The following MVB12B variants were observed in gnomAD, a reference collection of about 807,000 sequenced individuals.
MVB12B encodes ESCRT-I complex subunit MVB12B.
A neutral mutation model predicts 41.6 loss-of-function variants in MVB12B; 16 were observed. That is an observed-to-expected ratio of 0.38 (90% CI 0.26 to 0.58). MVB12B has a LOEUF of 0.58. Ranked by LOEUF, MVB12B falls within the 20% of genes least tolerant of loss-of-function variation. MVB12B has a pLI of 0.62. For missense variants in MVB12B, 274 were observed against 380.2 expected (o/e 0.72, Z 2.32); for synonymous variants, 133 against 139.7 (o/e 0.95, Z 0.34).
intron 2 of MVB12B, among the ~76,000 whole-genome samples, chr9:126,345,224 A>G (rs1829555926): frequency 1.3e-5 from 2 of 152,206 alleles, no homozygotes; most frequent in South Asian, 2.1e-4. Context: ...TGCCTACCTC[A>G]GAAAAGCATT....
chr9:126,370,424 C>T (rs1396658784), intron 2 of MVB12B, among the ~76,000 whole-genome samples: 3 of 149,260 alleles, frequency 2.0e-5, no homozygotes, highest in Non-Finnish European at 3.0e-5. Flanking sequence ...GTTCTGTTGC[C>T]TAGGCTGGAG....
intron 9 of MVB12B, among the ~76,000 whole-genome samples, chr9:126,500,065 C>T (rs1197776546): frequency 3.9e-5 from 6 of 152,158 alleles, no homozygotes; most frequent in Non-Finnish European, 8.8e-5. Flanking sequence ...AGAAAGCTCC[C>T]GCTAGGCCCG....
chr9:126,488,877 G>T (rs1833675197), intron 9 of MVB12B, among the ~76,000 whole-genome samples: 1 of 152,194 alleles, frequency 6.6e-6, no homozygotes, highest in Non-Finnish European at 1.5e-5. Context: ...CTTCAGGGAC[G>T]GTCACCCTCC....
At position 126,382,019 on chromosome 9, in the gene MVB12B, T is replaced by C. The variant is rs1471240408; in HGVS notation, c.312+848T>C. 2.6e-5 allele frequency among the ~76,000 whole-genome samples: 4 copies of C among 151,498 alleles called. No homozygotes were observed. In the East Asian group the frequency reaches 7.7e-4, roughly 29 times the overall value. On this transcript the variant is annotated intron_variant, in intron 3 of 9. Transcript: ENST00000361171. ...ATTTTTGGCCATATGTTATTGTCTC[T>C]TTGTCATGTAAATTTTTATTTTGGG...
At chr9:126,461,945 G>A (rs922736457) in intron 7 of MVB12B, among the ~76,000 whole-genome samples, 1 of 152,246 alleles carries the variant, frequency 6.6e-6, no homozygotes, top group African/African-American at 2.4e-5. Flanking sequence ...TCATTTCCCT[G>A]ACGTTACCAT....
chr9:126,479,623 C>G (rs1293146341), intron 7 of MVB12B, among the ~76,000 whole-genome samples: 1 of 152,214 alleles, frequency 6.6e-6, no homozygotes, highest in Admixed American at 6.5e-5. Context: ...CCCATCTCTT[C>G]CGTCAGCTCA....
chr9:126,461,374 A>T (rs4837088), intron 7 of MVB12B, among the ~76,000 whole-genome samples: 131,789 of 151,814 alleles, frequency 0.87, 57,322 homozygotes, highest in East Asian at 0.95. Flanking sequence ...ACTATATATA[A>T]AAAAAAAAAG....
chr9:126,458,085 CT>C (rs1174771329), intron 7 of MVB12B, among the ~76,000 whole-genome samples: 1 of 152,204 alleles, frequency 6.6e-6, no homozygotes, highest in African/African-American at 2.4e-5. Flanking sequence ...GCAACCTTGA[CT>C]TTTGATTGTC....
At chr9:126,461,260 G>A (rs1833083010) in intron 7 of MVB12B, among the ~76,000 whole-genome samples, 2 of 152,236 alleles carry the variant, frequency 1.3e-5, no homozygotes, top group Admixed American at 6.5e-5. Flanking sequence ...TGGCCCTGGT[G>A]GCTTCTACGG....
At chr9:126,433,451 G>A (rs562577661) in intron 7 of MVB12B, among the ~76,000 whole-genome samples, 16 of 151,042 alleles carry the variant, frequency 1.1e-4, no homozygotes, top group Non-Finnish European at 1.8e-4. Flanking sequence ...CTTCGTGGTG[G>A]CCTTCTCTTA....
chr9:126,503,014 C>T (rs896960602), intron 9 of MVB12B, among the ~76,000 whole-genome samples, 163 bp from the exon 10 acceptor site: 36 of 152,222 alleles, frequency 2.4e-4, no homozygotes, highest in African/African-American at 7.7e-4. Flanking sequence ...CAGGGGCCCA[C>T]GAGGGCAGGC....
intron 7 of MVB12B, among the ~76,000 whole-genome samples, chr9:126,464,779 G>A (rs943946472): frequency 2.0e-5 from 3 of 152,194 alleles, no homozygotes; most frequent in Non-Finnish European, 1.5e-5. Flanking sequence ...GTGGATTTAG[G>A]AGATCACCGT....
chr9:126,432,740 C>A (rs1832362201), intron 7 of MVB12B, among the ~76,000 whole-genome samples: 1 of 152,132 alleles, frequency 6.6e-6, no homozygotes, highest in Non-Finnish European at 1.5e-5. Context: ...AGATTCAGAC[C>A]CAGGTCTCTT....
chr9:126,433,128 C>T lies in MVB12B; in HGVS notation c.757+11180C>T, dbSNP rs533565787. Reference sequence around the variant, plus strand: ...ACCTTGGGCAAGGAACTGAACCCTTCTGTGCCTTTGTCTCCTTACCTGTAA... The same window carrying T: ...ACCTTGGGCAAGGAACTGAACCCTTTTGTGCCTTTGTCTCCTTACCTGTAA... On this transcript the variant is annotated intron_variant, in intron 7 of 9. Coordinates refer to ENST00000361171, the MANE Select transcript of MVB12B (RefSeq NM_033446.3). Among the ~76,000 whole-genome samples, 3 of 152,270 alleles carry T rather than the reference C, an allele frequency of 2.0e-5. No homozygotes were observed. In the South Asian group the frequency reaches 6.2e-4, roughly 32 times the overall value.
Position 126,326,951 on chromosome 9 carries a change from A to G in MVB12B, c.22A>G (p.Arg8Gly). ...GGCGATGAGAAGCTGCTTCTGCGTG[A>G]GACGGAGCCGGGACCCGCCGCCGCC... Reference protein sequence around the residue: MRSCFCVRRSRDPPPPQP... With the variant: MRSCFCVGRSRDPPPPQP... The change falls in exon 1 of 10, where the codon AGA becomes GGA. Residue 8 changes from arginine to glycine, a missense_variant. Arg to Gly is a moderately radical substitution (Grantham distance 125, BLOSUM62 -2). Coordinates refer to ENST00000361171, the MANE Select transcript of MVB12B (RefSeq NM_033446.3). 3.7e-6 allele frequency: 1 copy of G among 270,682 alleles called. No homozygotes were observed. Among genetic ancestry groups the G allele is most frequent in the East Asian group, 1.5e-4 (1 of 6,544 alleles). The allele number at this position is 270,682 out of a possible 1,614,324, so 16.8% of individuals were successfully genotyped here. A position where few individuals can be genotyped will look rare whatever the true frequency, so the allele number is the denominator to read the frequency against.
intron 7 of MVB12B, among the ~76,000 whole-genome samples, chr9:126,446,090 G>A (rs188979834): frequency 1.1e-3 from 171 of 152,204 alleles, no homozygotes; most frequent in African/African-American, 3.7e-3. Context: ...GGGGAATTTG[G>A]AGGAGAGAGG....
At chr9:126,396,308 A>C (rs1831112311) in intron 6 of MVB12B, 1 of 985,512 alleles carries the variant, frequency 1.0e-6, no homozygotes, top group African/African-American at 1.7e-5. Flanking sequence ...TTCTGCAAAA[A>C]GAATCCTGTC....
At position 126,473,655 on chromosome 9, in the gene MVB12B, C is replaced by T. The variant is rs1219269918; in HGVS notation, c.758-7714C>T. Among the ~76,000 whole-genome samples the T allele has an allele frequency of 1.3e-5, 2 of 152,154 alleles. No individual in the cohort carries two copies. Among genetic ancestry groups the T allele is most frequent in the East Asian group, 1.9e-4 (1 of 5,190 alleles). On this transcript the variant is annotated intron_variant, in intron 7 of 9. Transcript: ENST00000361171. The surrounding 1 kb of genome is among the most constrained non-coding windows in gnomAD (Gnocchi z 4.0). ...CACACGCCTTTAAACAACCAGATCT[C>T]GCGAGGACTCACTCGCTATCACAAG...
At chr9:126,432,510 A>C (rs905717185) in intron 7 of MVB12B, among the ~76,000 whole-genome samples, 11 of 152,272 alleles carry the variant, frequency 7.2e-5, no homozygotes, top group Admixed American at 6.5e-4. Flanking sequence ...TTGTTTTTGC[A>C]TTATTAAAAT....
Sources: gnomAD v4.1 joint callset for allele counts (sites outside exome capture counted in the v4.1 genomes callset) on GRCh38, gnomAD v4.1.1 for gene constraint, Gnocchi (gnomAD v3.1) non-coding constraint, MANE v1.5 for transcripts, NCBI Gene and HGNC (gene_info 2026-07-23, HGNC 2026-07-21) for gene names.